The following SPATA7 variants were observed in gnomAD, a reference collection of about 807,000 sequenced individuals.
The protein encoded by SPATA7 is spermatogenesis-associated protein 7.
Under a neutral mutation model 51.8 loss-of-function variants are expected in SPATA7, and 43 were observed. That is an observed-to-expected ratio of 0.83 (90% CI 0.65 to 1.07). The LOEUF is 1.07. Ranked by LOEUF, SPATA7 falls within the 50% of genes least tolerant of loss-of-function variation. The probability of loss-of-function intolerance (pLI) is 0.00; values close to 1 mark genes in which losing one functional copy is unlikely to be tolerated. For missense variants in SPATA7, 683 were observed against 701.3 expected, an observed-to-expected ratio of 0.97 and a Z score of 0.30; for synonymous variants, 230 against 252.8, an observed-to-expected ratio of 0.91 and a Z score of 0.86.
downstream of SPATA7, among the ~76,000 whole-genome samples, chr14:88,457,737 G>T (rs2077293524): frequency 6.6e-6 from 1 of 152,090 alleles, no homozygotes; most frequent in Admixed American, 6.6e-5. Context: ...CTGCCTAATT[G>T]CCCTGGCCAG....
chr14:88,412,227 T>A (rs1030290017), intron 4 of SPATA7, among the ~76,000 whole-genome samples: 1 of 141,214 alleles, frequency 7.1e-6, no homozygotes, highest in African/African-American at 3.2e-5. Flanking sequence ...TCTTGCTTTT[T>A]TTTTTTTTTT....
chr14:88,455,013 A>G (rs2077275063), intron 3 of SPATA7: 1 of 452,976 alleles, frequency 2.2e-6, no homozygotes, highest in African/African-American at 2.0e-5. Flanking sequence ...TTCTGACTCA[A>G]AATATTTAGA....
chr14:88,413,249 T>C (rs1458711255), intron 4 of SPATA7, among the ~76,000 whole-genome samples: 1 of 152,180 alleles, frequency 6.6e-6, no homozygotes, highest in African/African-American at 2.4e-5. Context: ...GTAATTCTTT[T>C]AGATATCCTT....
Position 88,469,942 on chromosome 14 carries a change from CTATAA to C in SPATA7, c.*77_*81del. ...CCTACCTCTTCTGCTGTCACCATTGCTATAATTGCAATTCCCTGTTCCCATACCAT... is the reference window on the plus strand; with the variant it reads ...CCTACCTCTTCTGCTGTCACCATTGCTTGCAATTCCCTGTTCCCATACCAT... On this transcript the variant is annotated 3_prime_UTR_variant, in exon 5 of 5. Transcript: ENST00000556406. The surrounding 1 kb of genome is among the most constrained non-coding windows in gnomAD (Gnocchi z 4.3). The C allele has an allele frequency of 6.2e-7, 1 of 1,614,092 alleles. No homozygotes were observed. The highest frequency in any genetic ancestry group is 8.5e-7 in the Non-Finnish European group (1 of 1,180,022).
chr14:88,415,410 C>T (rs769875755), intron 4 of SPATA7: 28 of 158,912 alleles, frequency 1.8e-4, no homozygotes, highest in Non-Finnish European at 3.4e-4. Context: ...GGTCTTTCTT[C>T]ATCACTTTAC....
At chr14:88,451,853 T>A (rs774433505) in intron 3 of SPATA7, among the ~76,000 whole-genome samples, 12 of 152,272 alleles carry the variant, frequency 7.9e-5, no homozygotes, top group Non-Finnish European at 1.5e-4. Flanking sequence ...TTCTTTAAGT[T>A]AGACTTTACC....
chr14:88,470,225 T>A (rs1376098218), exon 5 of SPATA7: 1 of 631,096 alleles, frequency 1.6e-6, no homozygotes, highest in Non-Finnish European at 2.7e-6. Flanking sequence ...CCCTTGTGAA[T>A]ACAATTTGCA....
intron 4 of SPATA7, among the ~76,000 whole-genome samples, chr14:88,404,190 TAGAA>T (rs1364345902): frequency 6.6e-6 from 1 of 152,176 alleles, no homozygotes; most frequent in Non-Finnish European, 1.5e-5. Context: ...TGTTATAAGA[TAGAA>T]AGACTCTATA....
Position 88,385,736 on chromosome 14 carries a change from T to C in SPATA7, c.-83T>C. 7.3e-7 allele frequency: 1 copy of C among 1,375,066 alleles called. No homozygotes were observed. Among genetic ancestry groups the C allele is most frequent in the Non-Finnish European group, 1.0e-6 (1 of 981,672 alleles). The allele number at this position is 1,375,066 out of a possible 1,614,324, so 85.2% of individuals were successfully genotyped here. A position where few individuals can be genotyped will look rare whatever the true frequency, so the allele number is the denominator to read the frequency against. ...CCCGTCGGCTCCTCTTTTCCAGTCCTCCACTGCCGGGGCTGGGCCCGGCCG... is the reference window on the plus strand; with the variant it reads ...CCCGTCGGCTCCTCTTTTCCAGTCCCCCACTGCCGGGGCTGGGCCCGGCCG... On this transcript the variant is annotated 5_prime_UTR_variant, in exon 1 of 12. Transcript: ENST00000393545.
rs571098493 is a variant in SPATA7 at position 88,469,291 on chromosome 14, C to T, written c.255-556C>T. On this transcript the variant is annotated intron_variant, in intron 4 of 4. Transcript: ENST00000556406. The surrounding 1 kb of genome is among the most constrained non-coding windows in gnomAD (Gnocchi z 4.3). Reference sequence around the variant, plus strand: ...TCTACAAAATGAAATGACGGAGATACTGAGTCAGCTGTGGCATTCTACTCA... The same window carrying T: ...TCTACAAAATGAAATGACGGAGATATTGAGTCAGCTGTGGCATTCTACTCA... 1.3e-5 allele frequency among the ~76,000 whole-genome samples: 2 copies of T among 152,294 alleles called. No individual in the cohort carries two copies. Among genetic ancestry groups the T allele is most frequent in the East Asian group, 3.9e-4 (2 of 5,176 alleles).
exon 4 of SPATA7, chr14:88,455,195 C>G (rs946800525): frequency 2.3e-6 from 1 of 428,164 alleles, no homozygotes; most frequent in African/African-American, 2.0e-5. Context: ...AAATTGATAG[C>G]AAATCTTTAT....
intron 4 of SPATA7, among the ~76,000 whole-genome samples, chr14:88,400,080 A>G (rs779277200): frequency 6.6e-6 from 1 of 152,234 alleles, no homozygotes; most frequent in South Asian, 2.1e-4. Context: ...ATATTAGGCC[A>G]TAAAATCAGA....
At position 88,416,703 on chromosome 14, in the gene SPATA7, C is replaced by T; in HGVS notation, c.239-8C>T. ...TCCATATTTTGAAAGATTTGTTTTC[C>T]CTTTTAGATGCAGACCAACAACGAA... On this transcript the variant is annotated splice_polypyrimidine_tract_variant and splice_region_variant and intron_variant, in intron 4 of 11. Transcript: ENST00000393545. 1 of 1,612,442 alleles carries T rather than the reference C, an allele frequency of 6.2e-7. No homozygotes were observed.
intron 4 of SPATA7, among the ~76,000 whole-genome samples, chr14:88,398,661 C>T (rs989088311): frequency 9.9e-5 from 15 of 151,834 alleles, no homozygotes; most frequent in African/African-American, 3.6e-4. Flanking sequence ...AAAAAAAAAT[C>T]AGTGTTATAA....
intron 7 of SPATA7, chr14:88,428,383 C>T (rs1303008993): frequency 6.6e-6 from 1 of 152,092 alleles, no homozygotes; most frequent in Non-Finnish European, 1.5e-5. Context: ...TATAATCATA[C>T]TCAACTTCCC....
chr14:88,417,523 C>T (rs902852272), intron 5 of SPATA7, among the ~76,000 whole-genome samples: 5 of 152,026 alleles, frequency 3.3e-5, no homozygotes, highest in Admixed American at 2.0e-4. Flanking sequence ...CCAGGTTGGT[C>T]TCAAACTCCT....
At chr14:88,410,546 C>T (rs2076313258) in intron 4 of SPATA7, 2 of 151,994 alleles carry the variant, frequency 1.3e-5, no homozygotes, top group Admixed American at 1.3e-4. Context: ...TACTTTTGGT[C>T]TTTGCTGTTG....
In SPATA7 at chr14:88,391,470, T is replaced by A; in HGVS notation, c.94+15T>A. On this transcript the variant is annotated intron_variant, in intron 2 of 11. Transcript: ENST00000393545. ...CAAAAGTAATGGTAAGTGAGGTGCT[T>A]AAAACGGCAGCTTTGTTAGAAGATT... The A allele has an allele frequency of 6.2e-7, 1 of 1,607,916 alleles. No individual in the cohort carries two copies. Among genetic ancestry groups the A allele is most frequent in the Non-Finnish European group, 8.5e-7 (1 of 1,174,776 alleles).
At chr14:88,425,085 C>T (rs566914230) in intron 5 of SPATA7, among the ~76,000 whole-genome samples, 1 of 152,228 alleles carries the variant, frequency 6.6e-6, no homozygotes, top group East Asian at 1.9e-4. Flanking sequence ...CTGTTCAAAT[C>T]TGTGAGACAC....
Sources: gnomAD v4.1 joint callset for allele counts (sites outside exome capture counted in the v4.1 genomes callset) on GRCh38, gnomAD v4.1.1 for gene constraint, Gnocchi (gnomAD v3.1) non-coding constraint, MANE v1.5 for transcripts, NCBI Gene and HGNC (gene_info 2026-07-23, HGNC 2026-07-21) for gene names.